Variants in FSTL4 observed in about 807,000 individuals in gnomAD.
FSTL4 encodes follistatin like 4.
In FSTL4, 28 loss-of-function variants were observed where a neutral mutation model predicts 78.2. The ratio of observed to expected loss-of-function variants is 0.36; its 90% CI spans 0.27 to 0.49. The LOEUF (loss-of-function observed/expected upper bound fraction) is 0.49, where lower values mean the gene tolerates loss of function less well. Ranked by LOEUF, FSTL4 falls within the 20% of genes least tolerant of loss-of-function variation. The pLI, the probability that FSTL4 is intolerant of heterozygous loss-of-function variation, is 0.98. For missense variants in FSTL4, 922 were observed against 1,084.9 expected, an observed-to-expected ratio of 0.85 and a Z score of 2.11; for synonymous variants, 422 against 440.5, an observed-to-expected ratio of 0.96 and a Z score of 0.53.
chr5:133,350,026 C>A (rs10085085), intron 4 of FSTL4, among the ~76,000 whole-genome samples: 1 of 135,644 alleles, frequency 7.4e-6, no homozygotes, highest in African/African-American at 2.8e-5. Flanking sequence ...TGCTGCCATG[C>A]GACTGTAAAG....
At chr5:133,802,174 T>G in the FSTL4 span, among the ~76,000 whole-genome samples, 1 of 152,262 alleles carries the variant, frequency 6.6e-6, no homozygotes, top group Non-Finnish European at 1.5e-5. Context: ...TGTAAGGGCC[T>G]GGACTGATTT....
the FSTL4 span, among the ~76,000 whole-genome samples, chr5:133,714,766 T>C: frequency 1.3e-5 from 2 of 152,194 alleles, no homozygotes; most frequent in African/African-American, 4.8e-5. Flanking sequence ...TCTCCTCCAC[T>C]GGGATATGTG....
At chr5:133,375,786 G>T (rs1197661971) in intron 4 of FSTL4, among the ~76,000 whole-genome samples, 1 of 152,160 alleles carries the variant, frequency 6.6e-6, no homozygotes, top group Non-Finnish European at 1.5e-5. Context: ...AAGTTAATTT[G>T]TTCTTCCCAC....
At chr5:133,222,231 C>G (rs1751159401) in intron 11 of FSTL4, among the ~76,000 whole-genome samples, 1 of 152,076 alleles carries the variant, frequency 6.6e-6, no homozygotes, top group South Asian at 2.1e-4. Flanking sequence ...GCTGTGAACA[C>G]CAGGGAGTAT....
chr5:133,527,694 C>T (rs1005248715), intron 3 of FSTL4, among the ~76,000 whole-genome samples: 1 of 152,216 alleles, frequency 6.6e-6, no homozygotes, highest in Non-Finnish European at 1.5e-5. Context: ...CCCTTCTCTC[C>T]ATTGCACTTT....
chr5:133,775,701 C>T, the FSTL4 span, among the ~76,000 whole-genome samples: 3 of 152,164 alleles, frequency 2.0e-5, no homozygotes, highest in Non-Finnish European at 1.5e-5. Context: ...GTACCTGCTC[C>T]TACTGATTCA....
chr5:133,414,108 C>G (rs1187057672), intron 3 of FSTL4, among the ~76,000 whole-genome samples: 2 of 152,082 alleles, frequency 1.3e-5, no homozygotes, highest in Non-Finnish European at 2.9e-5. Context: ...ATAGGCTCTT[C>G]TTGATTGTGC....
rs76240189 is a variant in FSTL4 at position 133,246,156 on chromosome 5, C to T, written c.894+3254G>A. Among the ~76,000 whole-genome samples, 818 of 152,244 alleles carry T rather than the reference C, an allele frequency of 5.4e-3. 9 individuals carry two copies. The highest frequency in any genetic ancestry group is 0.019 in the African/African-American group (797 of 41,546). On this transcript the variant is annotated intron_variant, in intron 7 of 15. Transcript: ENST00000265342. ...GCCGATCAGCTTGCCCCCGTGCAGC[C>T]GTGTTTGGGAGTCACCACTGATTAC...
At chr5:133,507,338 G>C (rs886883869) in intron 3 of FSTL4, among the ~76,000 whole-genome samples, 3 of 151,810 alleles carry the variant, frequency 2.0e-5, no homozygotes, top group African/African-American at 7.3e-5. Flanking sequence ...CAAGCAGGCT[G>C]AAAGTGTTTG....
chr5:133,817,714 C>A, the FSTL4 span, among the ~76,000 whole-genome samples: 3 of 152,184 alleles, frequency 2.0e-5, no homozygotes, highest in Admixed American at 6.5e-5. Context: ...GGCAGGGAGC[C>A]ACCTGGAAAG....
At chr5:133,264,159 C>G (rs774849250) in intron 6 of FSTL4, among the ~76,000 whole-genome samples, 2 of 152,196 alleles carry the variant, frequency 1.3e-5, no homozygotes, top group Non-Finnish European at 2.9e-5. Flanking sequence ...ATACACAGAA[C>G]AGTCTCCATG....
At chr5:133,285,038 G>A (rs1047596574) in intron 6 of FSTL4, among the ~76,000 whole-genome samples, 13 of 152,220 alleles carry the variant, frequency 8.5e-5, no homozygotes, top group Non-Finnish European at 1.2e-4. Context: ...AAGATGATAG[G>A]TGATGCTATG....
At chr5:133,537,716 A>G (rs1287954716) in intron 3 of FSTL4, among the ~76,000 whole-genome samples, 1 of 151,982 alleles carries the variant, frequency 6.6e-6, no homozygotes, top group Non-Finnish European at 1.5e-5. Context: ...CAAGAATAGT[A>G]TAAGGATCTC....
At chr5:133,423,886 A>C (rs1033512589) in intron 3 of FSTL4, among the ~76,000 whole-genome samples, 1 of 152,228 alleles carries the variant, frequency 6.6e-6, no homozygotes, top group African/African-American at 2.4e-5. Context: ...CTGGGTGTGC[A>C]CGTGCCAGGA....
rs544516529 is a variant in FSTL4, at chr5:133,512,253, A to G, written c.160+54933T>C. Among the ~76,000 whole-genome samples the G allele has an allele frequency of 3.1e-4, 47 of 152,364 alleles. 2 individuals carry two copies. In the South Asian group the frequency reaches 9.5e-3, roughly 31 times the overall value. On this transcript the variant is annotated intron_variant, in intron 3 of 15. Transcript: ENST00000265342. ...TCCTACCCACCTCTCTCTCTGCCAC[A>G]TGTAGTCCAACACACAGTTCAGACT... is the stretch of plus-strand genomic sequence containing the variant.
chr5:133,210,882 A>G (rs1385997876), intron 13 of FSTL4: 6 of 152,258 alleles, frequency 3.9e-5, no homozygotes, highest in Non-Finnish European at 7.3e-5. Context: ...GTCTGAACAC[A>G]GAGGCTAAGT....
the FSTL4 span, among the ~76,000 whole-genome samples, chr5:133,690,127 C>T: frequency 6.6e-6 from 1 of 152,090 alleles, no homozygotes; most frequent in Admixed American, 6.6e-5. Context: ...ACCGGAACTT[C>T]CCTTCCACAA....
intron 3 of FSTL4, among the ~76,000 whole-genome samples, chr5:133,508,125 C>G (rs948515777): frequency 1.3e-5 from 2 of 152,162 alleles, no homozygotes; most frequent in African/African-American, 4.8e-5. Flanking sequence ...TCTCTTTGCA[C>G]CTCACTTTCC....
At chr5:133,472,068 A>G (rs1757836666) in intron 3 of FSTL4, among the ~76,000 whole-genome samples, 1 of 152,196 alleles carries the variant, frequency 6.6e-6, no homozygotes, top group Non-Finnish European at 1.5e-5. Context: ...TTTCAGAATT[A>G]CCGTGTGGAG....
Sources: allele counts gnomAD v4.1 joint callset (sites outside exome capture counted in the v4.1 genomes callset), GRCh38; gene constraint gnomAD v4.1.1; transcripts MANE v1.5; gene names NCBI Gene and HGNC (gene_info 2026-07-23, HGNC 2026-07-21).